The following CDH23 variants were observed in gnomAD, a reference collection of about 807,000 sequenced individuals.
The protein encoded by CDH23 is cadherin related 23.
A neutral mutation model predicts 317.1 loss-of-function variants in CDH23; 189 were observed. The observed-to-expected ratio is 0.60, with a 90% CI of 0.53 to 0.67. The LOEUF (loss-of-function observed/expected upper bound fraction) is 0.67, where lower values mean the gene tolerates loss of function less well. Among genes scored for constraint, CDH23 ranks in the 30% least tolerant of loss-of-function variants. CDH23 has a pLI of 0.00. For missense variants in CDH23, 4,401 were observed against 4,592.4 expected, an observed-to-expected ratio of 0.96 and a Z score of 1.20; for synonymous variants, 1,839 against 1,876.8, an observed-to-expected ratio of 0.98 and a Z score of 0.52.
chr10:71,693,178 C>T (rs947742527), intron 20 of CDH23, among the ~76,000 whole-genome samples: 2 of 152,118 alleles, frequency 1.3e-5, no homozygotes, highest in African/African-American at 4.8e-5. Flanking sequence ...CAAGAGCTAG[C>T]GAGGCACTCA....
intron 3 of CDH23, among the ~76,000 whole-genome samples, chr10:71,490,778 A>G (rs1428038670): frequency 6.6e-6 from 1 of 152,244 alleles, no homozygotes; most frequent in Non-Finnish European, 1.5e-5. Flanking sequence ...AATTCTCACA[A>G]CAAGCTTGTG....
chr10:71,552,248 GTTGTC>G (rs1378134978), intron 6 of CDH23, among the ~76,000 whole-genome samples: 1 of 152,208 alleles, frequency 6.6e-6, no homozygotes, highest in African/African-American at 2.4e-5. Context: ...AGGTGTCTGG[GTTGTC>G]ACATTGATGT....
chr10:71,813,841 G>C (rs1842026881), intron 69 of CDH23, among the ~76,000 whole-genome samples: 4 of 152,168 alleles, frequency 2.6e-5, no homozygotes, highest in South Asian at 2.1e-4. Context: ...CCAGGAGGCG[G>C]AGGTTGAAGT....
At chr10:71,450,578 T>C (rs1850389988) in intron 3 of CDH23, among the ~76,000 whole-genome samples, 1 of 152,216 alleles carries the variant, frequency 6.6e-6, no homozygotes, top group South Asian at 2.1e-4. Flanking sequence ...CTGAATCTAC[T>C]TGAAATGCCC....
chr10:71,811,797 G>A, intron 65 of CDH23, 44 bp downstream of exon 65: 2 of 1,547,740 alleles, frequency 1.3e-6, no homozygotes, highest in Non-Finnish European at 1.7e-6. Context: ...AAGGCAGTGG[G>A]CTGGGGACCT....
chr10:71,450,460 G>A (rs1309667650), intron 3 of CDH23, among the ~76,000 whole-genome samples: 1 of 151,976 alleles, frequency 6.6e-6, no homozygotes, highest in Non-Finnish European at 1.5e-5. Context: ...TAGAGACGGG[G>A]TTTCACCACG....
intron 28 of CDH23, chr10:71,716,253 G>A (rs1327617939): frequency 1.3e-6 from 2 of 1,548,650 alleles, no homozygotes; most frequent in East Asian, 2.4e-5. Context: ...GCCTCTGCAA[G>A]GGTCCCGGGA....
At position 71,645,872 on chromosome 10, in the gene CDH23, C is replaced by T. The variant is rs192730794; in HGVS notation, c.1182C>T (p.Asn394=). The T allele has an allele frequency of 1.5e-5, 25 of 1,613,328 alleles. No homozygotes were observed. In the Admixed American group the frequency reaches 4.2e-4, roughly 27 times the overall value. Residue 394 remains asparagine (N), a synonymous_variant, in exon 13 of 70, where the codon AAC becomes AAT. Coordinates refer to ENST00000224721, the MANE Select transcript of CDH23 (RefSeq NM_022124.6). ...SMFEVYLVGN[N]SHHFIISPTS... ...TTGAGGTGTACTTGGTGGGGAACAA[C>T]TCCCACCACTTCATCATCTCCCCGA... is the stretch of plus-strand genomic sequence containing the variant.
chr10:71,428,289 C>A (rs1849207885), intron 1 of CDH23, among the ~76,000 whole-genome samples: 2 of 150,918 alleles, frequency 1.3e-5, no homozygotes, highest in South Asian at 2.1e-4. Flanking sequence ...AGGGATGCAT[C>A]ACCAGGCCCA....
intron 37 of CDH23, 83 bp from the exon 38 acceptor site, chr10:71,741,611 A>AGGT: frequency 8.6e-7 from 1 of 1,166,900 alleles, no homozygotes; most frequent in South Asian, 1.4e-5. Flanking sequence ...GTACAGGGGG[A>AGGT]GCCTTCGGGC....
chr10:71,811,271 G>A, intron 62 of CDH23, 44 bp from the exon 63 acceptor site: 3 of 1,613,214 alleles, frequency 1.9e-6, no homozygotes, highest in Non-Finnish European at 2.5e-6. Flanking sequence ...CGGTGGTGGG[G>A]GAATGGCTGA....
intron 60 of CDH23, 87 bp from the exon 61 acceptor site, chr10:71,809,733 G>T: frequency 1.9e-6 from 3 of 1,539,372 alleles, no homozygotes; most frequent in Non-Finnish European, 2.6e-6. Context: ...CCCTAGATGT[G>T]CCCACCTACC....
In CDH23 at chr10:71,555,342, T is replaced by C. The variant is rs969950171; in HGVS notation, c.430-11400T>C. Among the ~76,000 whole-genome samples the C allele has an allele frequency of 1.1e-4, 16 of 152,196 alleles. 1 individual carries two copies. The highest frequency in any genetic ancestry group is 4.6e-4 in the Admixed American group (7 of 15,280). ...ACCACGGCCCTCCCTGTTCCCTTTT[T>C]CTTTGCGCACAGCCCTTAGCCCACT... On this transcript the variant is annotated intron_variant, in intron 6 of 69. Transcript: ENST00000224721.
Position 71,444,785 on chromosome 10 carries a change from C to T in CDH23, c.68-1533C>T, listed in dbSNP as rs555114538. 7.9e-5 allele frequency among the ~76,000 whole-genome samples: 12 copies of T among 152,292 alleles called. No individual in the cohort carries two copies. The South Asian group carries it at 8.3e-4, about 11-fold the overall frequency. Reference sequence around the variant, plus strand: ...CCTGGCACATGCTCTGAGGGAGCCCCGGGTCAGCAGAAAGGAAGGGAGAGA... The same window carrying T: ...CCTGGCACATGCTCTGAGGGAGCCCTGGGTCAGCAGAAAGGAAGGGAGAGA... On this transcript the variant is annotated intron_variant, in intron 2 of 69. Transcript: ENST00000224721.
Position 71,617,448 on chromosome 10 carries a change from C to A in CDH23, c.1134+55C>A, listed in dbSNP as rs1227004026. ...ACCCACCACCCATCCAGACCCACCA[C>A]CCTGCCTGGGCTGTTCAGGTCCTCA... On this transcript the variant is annotated intron_variant, in intron 11 of 69. Coordinates refer to ENST00000224721, the MANE Select transcript of CDH23 (RefSeq NM_022124.6). The A allele has an allele frequency of 1.9e-6, 3 of 1,585,080 alleles. No individual in the cohort carries two copies. The African/African-American group carries it at 4.0e-5, about 21-fold the overall frequency.
At chr10:71,422,275 T>C (rs1848853360) in intron 1 of CDH23, among the ~76,000 whole-genome samples, 1 of 152,178 alleles carries the variant, frequency 6.6e-6, no homozygotes, top group African/African-American at 2.4e-5. Flanking sequence ...GCCTTTGCCC[T>C]GTGGTGCCAT....
chr10:71,797,698 G>A (rs1036806581), intron 49 of CDH23, among the ~76,000 whole-genome samples: 17 of 152,302 alleles, frequency 1.1e-4, no homozygotes, highest in African/African-American at 4.1e-4. Context: ...AGGCACTTAC[G>A]GTGGAGAACG....
At chr10:71,752,216 T>TGGC (rs1029337712) in intron 38 of CDH23, among the ~76,000 whole-genome samples, 3 of 152,188 alleles carry the variant, frequency 2.0e-5, no homozygotes, top group African/African-American at 7.2e-5. Flanking sequence ...ATAGAGTTGA[T>TGGC]GGCATTAGGA....
At chr10:71,578,557 G>A (rs1858393848) in intron 9 of CDH23, among the ~76,000 whole-genome samples, 1 of 152,122 alleles carries the variant, frequency 6.6e-6, no homozygotes, top group Admixed American at 6.5e-5. Flanking sequence ...AGTGACTGAC[G>A]GCAGAGATGG....
Sources: allele counts gnomAD v4.1 joint callset (sites outside exome capture counted in the v4.1 genomes callset), GRCh38; gene constraint gnomAD v4.1.1; transcripts MANE v1.5; gene names NCBI Gene and HGNC (gene_info 2026-07-23, HGNC 2026-07-21).